Variants in MYO10 observed in about 807,000 individuals in gnomAD.
MYO10 encodes unconventional myosin-X.
MYO10 carries 133 observed loss-of-function variants against 257.3 expected under a neutral mutation model. That is an observed-to-expected ratio of 0.52 (90% CI 0.45 to 0.60). The LOEUF (loss-of-function observed/expected upper bound fraction) is 0.60, where lower values mean the gene tolerates loss of function less well. Ranked by LOEUF, MYO10 falls within the 20% of genes least tolerant of loss-of-function variation. The pLI is 0.00. For synonymous variants in MYO10, 1,104 were observed against 1,028.6 expected (o/e 1.07, Z -1.40); for missense variants, 2,399 against 2,635.7 (o/e 0.91, Z 1.97).
chr5:16,813,502 GATC>G (rs1742505180), intron 3 of MYO10, among the ~76,000 whole-genome samples: 1 of 150,812 alleles, frequency 6.6e-6, no homozygotes, highest in South Asian at 2.1e-4. Context: ...AGGGAACAGC[GATC>G]ATGTCACTGC....
chr5:16,914,337 G>A (rs989463603), intron 1 of MYO10, among the ~76,000 whole-genome samples: 17 of 152,042 alleles, frequency 1.1e-4, no homozygotes, highest in Non-Finnish European at 2.2e-4. Flanking sequence ...ACTTCCCAAG[G>A]ACCTTCAGGA....
chr5:16,844,894 T>C (rs968590317), intron 2 of MYO10, among the ~76,000 whole-genome samples: 3 of 151,878 alleles, frequency 2.0e-5, no homozygotes, highest in Non-Finnish European at 4.4e-5. Context: ...TAAAATTTGT[T>C]AAACTCTCCA....
chr5:16,707,433 C>T (rs1738396860), intron 21 of MYO10, among the ~76,000 whole-genome samples: 1 of 152,228 alleles, frequency 6.6e-6, no homozygotes, highest in African/African-American at 2.4e-5. Context: ...TCAGGCGCTG[C>T]TTGGCTGAAC....
rs1373162082 is a variant in MYO10 at position 16,769,135 on chromosome 5, T to C, written c.999A>G (p.Ile333Met). The change falls in exon 10 of 41, where the codon ATA (isoleucine) becomes ATG (methionine). Residue 333 changes from isoleucine to methionine, a missense_variant. Physicochemically the swap from Ile to Met is conservative, Grantham distance 10. Transcript: ENST00000513610. ...VREVSRLLAG[I>M]LHLGNIEFIT... ...TAAATTCTATGTTCCCAAGATGCAG[T>C]ATACCAGCAAGCAGCCTCGACACTT... The C allele has an allele frequency of 6.2e-7, 1 of 1,612,714 alleles. No homozygotes were observed. Among genetic ancestry groups the C allele is most frequent in the African/African-American group, 1.3e-5 (1 of 75,008 alleles).
chr5:16,710,666 T>C (rs1738558106), intron 21 of MYO10: 4 of 542,118 alleles, frequency 7.4e-6, no homozygotes, highest in Non-Finnish European at 9.9e-6. Flanking sequence ...CACAAACAAT[T>C]AGGATGAGAT....
intron 1 of MYO10, among the ~76,000 whole-genome samples, chr5:16,881,218 A>G (rs1744747165): frequency 6.6e-6 from 1 of 152,216 alleles, no homozygotes; most frequent in Non-Finnish European, 1.5e-5. Flanking sequence ...TAAGAATGAA[A>G]TTGAGATTAT....
intron 19 of MYO10, 65 bp downstream of exon 19, chr5:16,754,763 G>A: frequency 7.3e-6 from 9 of 1,228,070 alleles, no homozygotes; most frequent in Non-Finnish European, 1.0e-5. Context: ...AAATCTGTGA[G>A]TAACCACCCC....
intron 19 of MYO10, among the ~76,000 whole-genome samples, chr5:16,728,632 T>C (rs112419167): frequency 4.3e-4 from 65 of 152,310 alleles, no homozygotes; most frequent in African/African-American, 1.4e-3. Flanking sequence ...ATGAGTCTAA[T>C]TGAATATCCA....
chr5:16,901,353 C>T (rs938781849), intron 1 of MYO10, among the ~76,000 whole-genome samples: 1 of 152,250 alleles, frequency 6.6e-6, no homozygotes, highest in South Asian at 2.1e-4. Context: ...CCAGACCACC[C>T]GTGCTGGTTC....
intron 2 of MYO10, among the ~76,000 whole-genome samples, chr5:16,822,690 ATTTT>A (rs11288111): frequency 7.5e-6 from 1 of 133,466 alleles, no homozygotes; most frequent in African/African-American, 2.6e-5. Flanking sequence ...ATTTATTTTT[ATTTT>A]TTTTTTTTTT....
chr5:16,897,256 A>C (rs1478911915), intron 1 of MYO10, among the ~76,000 whole-genome samples: 1 of 151,980 alleles, frequency 6.6e-6, no homozygotes. Context: ...AGTATACATA[A>C]CAAAACTGGC....
At chr5:16,780,221 T>C (rs1165809067) in intron 8 of MYO10, among the ~76,000 whole-genome samples, 1 of 152,098 alleles carries the variant, frequency 6.6e-6, no homozygotes, top group Admixed American at 6.6e-5. Context: ...TATTTAGAAA[T>C]TAACTTTATT....
chr5:16,679,974 G>C lies in MYO10; in HGVS notation c.4515C>G (p.Pro1505=). The C allele has an allele frequency of 6.2e-7, 1 of 1,613,894 alleles. No homozygotes were observed. The highest frequency in any genetic ancestry group is 8.5e-7 in the Non-Finnish European group (1 of 1,179,832). The change falls in exon 33 of 41, where the codon CCC becomes CCG. Residue 1505 remains proline, a synonymous_variant. Coordinates refer to ENST00000513610, the MANE Select transcript of MYO10 (RefSeq NM_012334.3). ...TGATATCTTGAATCAGCTGCTGGGTGGGGGTGTCGATCGGGGCCTTGGTGT... is the reference window on the plus strand; with the variant it reads ...TGATATCTTGAATCAGCTGCTGGGTCGGGGTGTCGATCGGGGCCTTGGTGT... ...VTDTKAPIDT[P]TQQLIQDIKE...
chr5:16,827,149 G>T (rs1421366702), intron 2 of MYO10, among the ~76,000 whole-genome samples: 2 of 152,124 alleles, frequency 1.3e-5, no homozygotes, highest in Admixed American at 6.6e-5. Flanking sequence ...AATTTCATTG[G>T]AATCTAATCA....
intron 2 of MYO10, among the ~76,000 whole-genome samples, chr5:16,841,671 C>A (rs937050863): frequency 6.6e-6 from 1 of 152,130 alleles, no homozygotes; most frequent in Non-Finnish European, 1.5e-5. Context: ...GTCTGAGACA[C>A]TAATAACTAA....
intron 19 of MYO10, among the ~76,000 whole-genome samples, chr5:16,726,187 C>T (rs1041244569): frequency 2.0e-5 from 3 of 152,140 alleles, no homozygotes; most frequent in Non-Finnish European, 4.4e-5. Flanking sequence ...CAAAGTGATA[C>T]CATATTAGTG....
At chr5:16,926,458 TC>T (rs1746135124) in intron 1 of MYO10, among the ~76,000 whole-genome samples, 1 of 152,128 alleles carries the variant, frequency 6.6e-6, no homozygotes, top group African/African-American at 2.4e-5. Context: ...TCCCAGAACT[TC>T]CGGAGGCCAA....
At chr5:16,702,461 AGTTTTG>A in intron 24 of MYO10, 76 bp downstream of exon 24, 2 of 1,253,904 alleles carry the variant, frequency 1.6e-6, no homozygotes, top group Non-Finnish European at 2.2e-6. Context: ...ACTTTAATTC[AGTTTTG>A]AATCCTAGAG....
intron 3 of MYO10, among the ~76,000 whole-genome samples, chr5:16,808,566 C>A (rs1420682103): frequency 6.6e-6 from 1 of 152,180 alleles, no homozygotes; most frequent in Non-Finnish European, 1.5e-5. Flanking sequence ...TCTCAAGAGA[C>A]AAGCTGTTAA....
Sources: gnomAD v4.1 joint callset for allele counts (sites outside exome capture counted in the v4.1 genomes callset) on GRCh38, gnomAD v4.1.1 for gene constraint, MANE v1.5 for transcripts, NCBI Gene and HGNC (gene_info 2026-07-23, HGNC 2026-07-21) for gene names.